Variants in TRABD2B observed in about 807,000 individuals in gnomAD.
TRABD2B encodes metalloprotease TIKI2.
A neutral mutation model predicts 40.1 loss-of-function variants in TRABD2B; 14 were observed. That is an observed-to-expected ratio of 0.35 (90% confidence interval 0.23 to 0.55). The LOEUF (loss-of-function observed/expected upper bound fraction) is 0.55, where lower values mean the gene tolerates loss of function less well. Ranked by LOEUF, TRABD2B falls within the 20% of genes least tolerant of loss-of-function variation. TRABD2B has a pLI of 0.90. For synonymous variants in TRABD2B, 263 were observed against 277.0 expected, an observed-to-expected ratio of 0.95 and a Z score of 0.50; for missense variants, 541 against 648.6, an observed-to-expected ratio of 0.83 and a Z score of 1.80.
rs1183526663 is a variant in TRABD2B, at chr1:47,761,499, G to A, written c.*4403C>T. The stretch of plus-strand genomic sequence containing the variant: ...CGCTGTGAGGGGTGGTGGTGGTTGT[G>A]GGTGGAGTGGGGAGGCTGGACTTAT... On this transcript the variant is annotated 3_prime_UTR_variant, in exon 7 of 7. Coordinates refer to ENST00000606738, the MANE Select transcript of TRABD2B (RefSeq NM_001194986.2). 1 of 152,244 alleles carries A rather than the reference G, an allele frequency of 6.6e-6. No individual in the cohort carries two copies. The highest frequency in any genetic ancestry group is 1.5e-5 in the Non-Finnish European group (1 of 68,072). The allele number at this position is 152,244 out of a possible 1,614,324, so 9.4% of individuals were successfully genotyped here. A position where few individuals can be genotyped will look rare whatever the true frequency, so the allele number is the denominator to read the frequency against.
At chr1:47,878,234 T>G (rs1444754550) in intron 2 of TRABD2B, among the ~76,000 whole-genome samples, 1 of 152,026 alleles carries the variant, frequency 6.6e-6, no homozygotes, top group Non-Finnish European at 1.5e-5. Context: ...GAGAATTGCT[T>G]GAACCCGAGA....
intron 2 of TRABD2B, among the ~76,000 whole-genome samples, chr1:47,934,499 A>G (rs1645080665): frequency 6.6e-6 from 1 of 152,260 alleles, no homozygotes. Context: ...CGGGAGGGGC[A>G]GGCGGGCCCA....
At chr1:47,784,056 G>A (rs891238437) in intron 4 of TRABD2B, among the ~76,000 whole-genome samples, 12 of 152,142 alleles carry the variant, frequency 7.9e-5, no homozygotes, top group African/African-American at 2.2e-4. Context: ...TGGGCCTCCC[G>A]AGTACAGGAT....
At chr1:47,889,269 C>T (rs1329844992) in intron 2 of TRABD2B, among the ~76,000 whole-genome samples, 1 of 152,228 alleles carries the variant, frequency 6.6e-6, no homozygotes, top group Non-Finnish European at 1.5e-5. Flanking sequence ...TGGATCCCAG[C>T]TCTGCCCCAC....
intron 2 of TRABD2B, among the ~76,000 whole-genome samples, chr1:47,832,354 G>T (rs1372069157): frequency 6.6e-6 from 1 of 151,956 alleles, no homozygotes; most frequent in Non-Finnish European, 1.5e-5. Flanking sequence ...GAGGTCAGAC[G>T]TGGGTCCAGT....
At chr1:47,973,800 G>A (rs1355725059) in intron 2 of TRABD2B, among the ~76,000 whole-genome samples, 1 of 152,180 alleles carries the variant, frequency 6.6e-6, no homozygotes, top group Non-Finnish European at 1.5e-5. Flanking sequence ...GCAAAGCAAT[G>A]TTACATTTAA....
chr1:47,801,429 T>C, intron 3 of TRABD2B, 44 bp downstream of exon 3: 3 of 1,523,818 alleles, frequency 2.0e-6, no homozygotes, highest in Non-Finnish European at 2.6e-6. Flanking sequence ...GTCATAGGGA[T>C]CTAATAAATG....
chr1:47,804,385 G>A (rs1644863291), intron 2 of TRABD2B, among the ~76,000 whole-genome samples: 1 of 152,236 alleles, frequency 6.6e-6, no homozygotes, highest in African/African-American at 2.4e-5. Flanking sequence ...TCGGATGAAA[G>A]TGTCCATGTC....
At chr1:47,766,580 G>GCATCCAT (rs1644306575) in intron 6 of TRABD2B, among the ~76,000 whole-genome samples, 1 of 152,174 alleles carries the variant, frequency 6.6e-6, no homozygotes, top group Admixed American at 6.5e-5. Context: ...CGCTTGTTGA[G>GCATCCAT]CATCCATCAT....
At chr1:47,858,147 G>A (rs868273759) in intron 2 of TRABD2B, among the ~76,000 whole-genome samples, 6 of 151,568 alleles carry the variant, frequency 4.0e-5, no homozygotes, top group East Asian at 1.9e-4. Context: ...TACTATCTGC[G>A]GTTTCAGGCA....
chr1:47,846,182 T>C (rs1235783043), intron 2 of TRABD2B, among the ~76,000 whole-genome samples: 1 of 152,212 alleles, frequency 6.6e-6, no homozygotes. Context: ...GGTTAATACA[T>C]TCAGCATGCT....
chr1:47,812,474 T>A (rs961041946), intron 2 of TRABD2B, among the ~76,000 whole-genome samples: 9 of 152,150 alleles, frequency 5.9e-5, no homozygotes, highest in African/African-American at 1.7e-4. Flanking sequence ...ACATCTGTAA[T>A]CCCAGCACTT....
At chr1:47,825,874 C>A (rs948701037) in intron 2 of TRABD2B, among the ~76,000 whole-genome samples, 6 of 152,196 alleles carry the variant, frequency 3.9e-5, no homozygotes, top group Non-Finnish European at 7.3e-5. Context: ...GGTTCATGTT[C>A]TGCCTCCACC....
At chr1:47,780,096 T>C (rs1190342736) in intron 4 of TRABD2B, among the ~76,000 whole-genome samples, 2 of 152,114 alleles carry the variant, frequency 1.3e-5, no homozygotes, top group Non-Finnish European at 2.9e-5. Context: ...CCAGAGCATC[T>C]GGAGTTACCT....
rs113348280 is a variant in TRABD2B, at chr1:47,790,467, G to T, written c.988+4119C>A. 2.7e-4 allele frequency among the ~76,000 whole-genome samples: 41 copies of T among 152,318 alleles called. 1 individual carries two copies. Among genetic ancestry groups the T allele is most frequent in the African/African-American group, 9.1e-4 (38 of 41,570 alleles). ...GTTGTCACACATTTGCACCCCACCTGCCCTGAACTGCAGGGTAACCTCTAG... is the reference window on the plus strand; with the variant it reads ...GTTGTCACACATTTGCACCCCACCTTCCCTGAACTGCAGGGTAACCTCTAG... On this transcript the variant is annotated intron_variant, in intron 4 of 6. Coordinates refer to ENST00000606738, the MANE Select transcript of TRABD2B (RefSeq NM_001194986.2).
intron 2 of TRABD2B, among the ~76,000 whole-genome samples, chr1:47,958,006 A>G (rs1030546460): frequency 6.6e-6 from 1 of 152,218 alleles, no homozygotes; most frequent in African/African-American, 2.4e-5. Context: ...CTAACAGCTG[A>G]TCTCTTGGCA....
chr1:47,923,064 C>G (rs1644922770), intron 2 of TRABD2B, among the ~76,000 whole-genome samples: 1 of 152,226 alleles, frequency 6.6e-6, no homozygotes, highest in South Asian at 2.1e-4. Flanking sequence ...CAAGGCCTTT[C>G]CCACCTTAGG....
At chr1:47,934,859 T>C (rs1433636544) in intron 2 of TRABD2B, among the ~76,000 whole-genome samples, 3 of 152,168 alleles carry the variant, frequency 2.0e-5, no homozygotes, top group Non-Finnish European at 4.4e-5. Context: ...TGGAGAACCT[T>C]CAAGATGGTA....
At chr1:47,891,452 G>C (rs1409266733) in intron 2 of TRABD2B, among the ~76,000 whole-genome samples, 1 of 152,064 alleles carries the variant, frequency 6.6e-6, no homozygotes, top group African/African-American at 2.4e-5. Flanking sequence ...ATGAGCCACG[G>C]GACTACCTTG....
Sources: gnomAD v4.1 joint callset for allele counts (sites outside exome capture counted in the v4.1 genomes callset) on GRCh38, gnomAD v4.1.1 for gene constraint, MANE v1.5 for transcripts, NCBI Gene and HGNC (gene_info 2026-07-23, HGNC 2026-07-21) for gene names.